Variants in SEC24B observed in about 807,000 individuals in gnomAD.
SEC24B encodes the protein SEC24 homolog B, COPII component.
SEC24B carries 45 observed loss-of-function variants against 142.8 expected under a neutral mutation model. The ratio of observed to expected loss-of-function variants is 0.32; its 90% CI spans 0.25 to 0.40. The LOEUF is 0.40. SEC24B is among the 10% of genes least tolerant of loss of function. The pLI, the probability that SEC24B is intolerant of heterozygous loss-of-function variation, is 1.00. For synonymous variants in SEC24B, 574 were observed against 568.2 expected, an observed-to-expected ratio of 1.01 and a Z score of -0.15; for missense variants, 1,409 against 1,526.8, an observed-to-expected ratio of 0.92 and a Z score of 1.29.
intron 17 of SEC24B, 106 bp from the exon 18 acceptor site, chr4:109,527,216 C>T (rs949115611): frequency 4.0e-6 from 3 of 743,550 alleles, no homozygotes; most frequent in Non-Finnish European, 6.2e-6. Context: ...AAGACTCCGT[C>T]TCAAAAAAAA....
chr4:109,507,594 A>G (rs1736833174), intron 7 of SEC24B, among the ~76,000 whole-genome samples: 1 of 151,884 alleles, frequency 6.6e-6, no homozygotes, highest in South Asian at 2.1e-4. Flanking sequence ...TCTTCCTTGC[A>G]TTAGGAGAAT....
chr4:109,471,121 A>G lies in SEC24B; in HGVS notation c.878-1883A>G, dbSNP rs116498396. 3.3e-3 allele frequency among the ~76,000 whole-genome samples: 510 copies of G among 152,270 alleles called. 6 individuals are homozygous for G. The highest frequency in any genetic ancestry group is 0.012 in the African/African-American group (493 of 41,532). ...TACATGTGTATCAATACATACATGT[A>G]CGTACACATATACCTGATATGATTT... On this transcript the variant is annotated intron_variant, in intron 2 of 23. Transcript: ENST00000265175.
intron 5 of SEC24B, 132 bp from the exon 6 acceptor site, chr4:109,494,483 T>C (rs770559875): frequency 4.4e-5 from 48 of 1,090,634 alleles, no homozygotes; most frequent in Non-Finnish European, 6.3e-5. Flanking sequence ...TTTGTGTGTG[T>C]CCAAAATTTC....
intron 1 of SEC24B, among the ~76,000 whole-genome samples, chr4:109,446,481 C>CT (rs1350061430): frequency 6.6e-6 from 1 of 152,062 alleles, no homozygotes; most frequent in Non-Finnish European, 1.5e-5. Flanking sequence ...CTCCAGAACT[C>CT]TAAGAGAATA....
At chr4:109,493,682 G>A (rs1394602515) in intron 5 of SEC24B, among the ~76,000 whole-genome samples, 1 of 150,590 alleles carries the variant, frequency 6.6e-6, no homozygotes, top group Admixed American at 6.6e-5. Context: ...AGGCTGGAGT[G>A]CAATGGCGCA....
At chr4:109,462,760 A>T in intron 1 of SEC24B, 141 bp from the exon 2 acceptor site, 1 of 679,960 alleles carries the variant, frequency 1.5e-6, no homozygotes, top group Non-Finnish European at 2.5e-6. Flanking sequence ...AGGCTACCAT[A>T]ATGGGTCTAT....
At chr4:109,486,056 C>T (rs1734320110) in intron 4 of SEC24B, among the ~76,000 whole-genome samples, 1 of 152,052 alleles carries the variant, frequency 6.6e-6, no homozygotes, top group Non-Finnish European at 1.5e-5. Flanking sequence ...TTTTTTCCCC[C>T]TCTGTAGCAC....
intron 16 of SEC24B, among the ~76,000 whole-genome samples, chr4:109,525,920 A>C (rs904453703): frequency 3.3e-5 from 5 of 152,158 alleles, no homozygotes; most frequent in African/African-American, 4.8e-5. Context: ...GTTATATAAT[A>C]ACCCTCATTT....
At chr4:109,499,697 G>A (rs1338706650) in intron 6 of SEC24B, among the ~76,000 whole-genome samples, 2 of 152,128 alleles carry the variant, frequency 1.3e-5, no homozygotes, top group African/African-American at 4.8e-5. Flanking sequence ...ATGTGTTTGT[G>A]GTGATGCTCT....
In SEC24B at chr4:109,530,250, C is replaced by T. The variant is rs1724750236; in HGVS notation, c.3077-39C>T. 4.5e-6 allele frequency: 7 copies of T among 1,562,596 alleles called. No homozygotes were observed. In the East Asian group the frequency reaches 1.4e-4, roughly 30 times the overall value. On this transcript the variant is annotated intron_variant, in intron 18 of 23. Transcript: ENST00000265175. ...TCTCTCTTATAGTGCCCATTGGATTCTAATGGTTAAAATACCTTTCACTTT... is the reference window on the plus strand; with the variant it reads ...TCTCTCTTATAGTGCCCATTGGATTTTAATGGTTAAAATACCTTTCACTTT...
At chr4:109,514,110 C>A (rs1737673879) in intron 10 of SEC24B, among the ~76,000 whole-genome samples, 1 of 152,126 alleles carries the variant, frequency 6.6e-6, no homozygotes, top group Non-Finnish European at 1.5e-5. Context: ...GACTTGTTGC[C>A]ATTTTGATTT....
Position 109,530,616 on chromosome 4 carries a change from A to G in SEC24B, c.3252+152A>G, listed in dbSNP as rs1724798753. ...AGTTTTGAAGAATAGAAAAAGATCA[A>G]TGGGGCCATGCATGGTGGCTCACGC... On this transcript the variant is annotated intron_variant, in intron 19 of 23. Coordinates refer to ENST00000265175, the MANE Select transcript of SEC24B (RefSeq NM_006323.5). 16 of 694,248 alleles carry G rather than the reference A, an allele frequency of 2.3e-5. No homozygotes were observed. In the South Asian group the frequency reaches 2.6e-4, roughly 11 times the overall value. The allele number at this position is 694,248 out of a possible 1,614,324, so 43.0% of individuals were successfully genotyped here.
intron 11 of SEC24B, among the ~76,000 whole-genome samples, chr4:109,518,291 A>G (rs1281671470): frequency 1.3e-5 from 2 of 152,194 alleles, no homozygotes; most frequent in African/African-American, 4.8e-5. Context: ...AAAATGAACC[A>G]TCCAAATCTC....
At chr4:109,533,787 A>G (rs1725189928) in intron 22 of SEC24B, 102 bp downstream of exon 22, 1 of 792,252 alleles carries the variant, frequency 1.3e-6, no homozygotes, top group East Asian at 2.5e-5. Flanking sequence ...CAATTCAGTA[A>G]TTTTTGGTAT....
At chr4:109,488,256 T>G (rs941058978) in intron 4 of SEC24B, among the ~76,000 whole-genome samples, 12 of 152,180 alleles carry the variant, frequency 7.9e-5, no homozygotes, top group Admixed American at 7.2e-4. Flanking sequence ...TGTTTTAGCC[T>G]TCTTCCCATT....
At chr4:109,440,113 TTCG>T (rs1728801755) in intron 1 of SEC24B, among the ~76,000 whole-genome samples, 1 of 150,732 alleles carries the variant, frequency 6.6e-6, no homozygotes, top group African/African-American at 2.4e-5. Flanking sequence ...AGAGCGAGAC[TTCG>T]TCGCAAAAAA....
chr4:109,467,024 T>G (rs1019050062), intron 2 of SEC24B, among the ~76,000 whole-genome samples: 5 of 152,184 alleles, frequency 3.3e-5, no homozygotes, highest in African/African-American at 1.2e-4. Flanking sequence ...ACTTCAATTA[T>G]TTTATTAAAA....
At chr4:109,502,646 A>C (rs1373950142) in intron 6 of SEC24B, among the ~76,000 whole-genome samples, 1 of 152,192 alleles carries the variant, frequency 6.6e-6, no homozygotes, top group Non-Finnish European at 1.5e-5. Flanking sequence ...ATGAAGACAA[A>C]GGTCTAGGAA....
chr4:109,525,539 T>C (rs1724131244), intron 16 of SEC24B, 35 bp downstream of exon 16: 3 of 1,451,566 alleles, frequency 2.1e-6, no homozygotes, highest in East Asian at 4.8e-5. Flanking sequence ...TTATATTAAA[T>C]ACTTGTATCA....
Sources: gnomAD v4.1 joint callset for allele counts (sites outside exome capture counted in the v4.1 genomes callset) on GRCh38, gnomAD v4.1.1 for gene constraint, MANE v1.5 for transcripts, NCBI Gene and HGNC (gene_info 2026-07-23, HGNC 2026-07-21) for gene names.